The following SPOCK3 variants were observed in gnomAD, a reference collection of about 807,000 sequenced individuals.
SPOCK3 encodes SPARC (osteonectin), cwcv and kazal like domains proteoglycan 3.
SPOCK3 carries 30 observed loss-of-function variants against 56.6 expected under a neutral mutation model. That is an observed-to-expected ratio of 0.53 (90% CI 0.40 to 0.72). The LOEUF (loss-of-function observed/expected upper bound fraction) is 0.72. Ranked by LOEUF, SPOCK3 falls within the 30% of genes least tolerant of loss-of-function variation. The pLI is 0.00. For synonymous variants in SPOCK3, 196 were observed against 183.3 expected (o/e 1.07, Z -0.56); for missense variants, 527 against 530.0 (o/e 0.99, Z 0.06).
intron 7 of SPOCK3, among the ~76,000 whole-genome samples, chr4:166,775,085 G>A (rs1739376426): frequency 6.6e-6 from 1 of 152,132 alleles, no homozygotes; most frequent in African/African-American, 2.4e-5. Flanking sequence ...TATAAAGGAA[G>A]TGAAATTATG....
intron 1 of SPOCK3, 121 bp from the exon 2 acceptor site, chr4:167,234,294 C>G (rs917934404): frequency 2.2e-6 from 2 of 924,822 alleles, no homozygotes; most frequent in African/African-American, 3.3e-5. Context: ...GAGGAGGAGA[C>G]AAGCAGAGGC....
At chr4:166,888,633 C>G (rs535462327) in intron 6 of SPOCK3, among the ~76,000 whole-genome samples, 1 of 151,664 alleles carries the variant, frequency 6.6e-6, no homozygotes, top group Non-Finnish European at 1.5e-5. Context: ...AAGACTTCAT[C>G]TGGTCAAAAA....
At chr4:167,162,391 C>T (rs1054668368) in intron 2 of SPOCK3, among the ~76,000 whole-genome samples, 4 of 152,110 alleles carry the variant, frequency 2.6e-5, no homozygotes, top group Non-Finnish European at 5.9e-5. Context: ...TGAATTATCT[C>T]ATTTAACACT....
At chr4:167,098,556 T>G (rs187460784) in intron 2 of SPOCK3, among the ~76,000 whole-genome samples, 2 of 152,166 alleles carry the variant, frequency 1.3e-5, no homozygotes, top group Admixed American at 1.3e-4. Context: ...ATTCCATATT[T>G]ACAGAACTAA....
At chr4:167,166,368 AT>A (rs201483924) in intron 2 of SPOCK3, among the ~76,000 whole-genome samples, 325 of 151,354 alleles carry the variant, frequency 2.1e-3, no homozygotes, top group African/African-American at 7.1e-3. Context: ...GGCTACATAC[AT>A]TTTTTTTTCT....
At chr4:166,936,181 G>T (rs541911950) in intron 4 of SPOCK3, among the ~76,000 whole-genome samples, 82 of 152,176 alleles carry the variant, frequency 5.4e-4, no homozygotes, top group African/African-American at 1.9e-3. Flanking sequence ...ACGCAATACT[G>T]AGCTGTGATG....
rs139910791 is a variant in SPOCK3, at chr4:167,180,720, A to G, written c.189+53265T>C. Among the ~76,000 whole-genome samples, 67 of 152,290 alleles carry G rather than the reference A, an allele frequency of 4.4e-4. 1 individual carries two copies. The highest frequency in any genetic ancestry group is 1.4e-3 in the African/African-American group (60 of 41,576). ...CAGAAAAATAGCTAAGATTATGACT[A>G]TGAGTCCAATAATCCAGGTACTTAA... On this transcript the variant is annotated intron_variant, in intron 2 of 10. Coordinates refer to ENST00000357545, the MANE Select transcript of SPOCK3 (RefSeq NM_001040159.2).
chr4:166,961,973 T>C (rs945799308), intron 4 of SPOCK3, among the ~76,000 whole-genome samples: 1 of 152,070 alleles, frequency 6.6e-6, no homozygotes, highest in Non-Finnish European at 1.5e-5. Flanking sequence ...TAGGAAAGAA[T>C]TAGTCCTTGT....
At chr4:167,231,825 G>A (rs568602840) in intron 2 of SPOCK3, among the ~76,000 whole-genome samples, 25 of 152,116 alleles carry the variant, frequency 1.6e-4, no homozygotes, top group African/African-American at 5.5e-4. Context: ...AAAAATGATG[G>A]CATTTATCCG....
intron 4 of SPOCK3, among the ~76,000 whole-genome samples, chr4:166,920,258 C>T (rs1738342195): frequency 6.6e-6 from 1 of 152,140 alleles, no homozygotes; most frequent in South Asian, 2.1e-4. Flanking sequence ...GACAGCATCA[C>T]TACCTCAAAT....
At chr4:166,987,320 C>G (rs1747277160) in intron 4 of SPOCK3, among the ~76,000 whole-genome samples, 1 of 152,140 alleles carries the variant, frequency 6.6e-6, no homozygotes, top group Admixed American at 6.6e-5. Context: ...TCTTTTCACT[C>G]AAGTAATTCT....
chr4:166,948,119 G>A (rs755686212), intron 4 of SPOCK3, among the ~76,000 whole-genome samples: 4 of 152,062 alleles, frequency 2.6e-5, no homozygotes, highest in Non-Finnish European at 4.4e-5. Flanking sequence ...TGTGCTATTT[G>A]TCTTTCTGTG....
At chr4:167,132,745 G>A (rs1260194658) in intron 2 of SPOCK3, among the ~76,000 whole-genome samples, 2 of 151,886 alleles carry the variant, frequency 1.3e-5, no homozygotes, top group Non-Finnish European at 2.9e-5. Flanking sequence ...CGTAAACCCT[G>A]GCATTCCTTG....
chr4:166,775,181 A>G (rs1003585284), intron 7 of SPOCK3, among the ~76,000 whole-genome samples: 21 of 152,102 alleles, frequency 1.4e-4, no homozygotes, highest in African/African-American at 5.1e-4. Context: ...GATTAATGTC[A>G]CTGCAGAAAA....
At chr4:166,805,821 GCAGA>G (rs563354337) in intron 6 of SPOCK3, among the ~76,000 whole-genome samples, 136 of 152,162 alleles carry the variant, frequency 8.9e-4, no homozygotes, top group Non-Finnish European at 1.8e-3. Context: ...TCTGAAACAA[GCAGA>G]CAAATTTTCA....
At chr4:166,969,008 A>C (rs1209970731) in intron 4 of SPOCK3, among the ~76,000 whole-genome samples, 1 of 152,216 alleles carries the variant, frequency 6.6e-6, no homozygotes, top group African/African-American at 2.4e-5. Flanking sequence ...GATTATTTCA[A>C]GGCTTAAAGA....
At chr4:166,885,631 A>G (rs1288425652) in intron 6 of SPOCK3, among the ~76,000 whole-genome samples, 2 of 151,902 alleles carry the variant, frequency 1.3e-5, no homozygotes, top group African/African-American at 4.8e-5. Flanking sequence ...TTTTTAAAAT[A>G]GGTTATTTTC....
chr4:166,866,841 T>A (rs62354060), intron 6 of SPOCK3, among the ~76,000 whole-genome samples: 10,834 of 152,114 alleles, frequency 0.071, 517 homozygotes, highest in Non-Finnish European at 0.1. Context: ...CATGAATGCA[T>A]TATTACCTCA....
At chr4:166,787,864 C>A (rs1309806460) in intron 7 of SPOCK3, among the ~76,000 whole-genome samples, 1 of 152,006 alleles carries the variant, frequency 6.6e-6, no homozygotes, top group African/African-American at 2.4e-5. Flanking sequence ...AGCATTATAT[C>A]TACTAAGTGT....
Sources: gnomAD v4.1 joint callset for allele counts (sites outside exome capture counted in the v4.1 genomes callset) on GRCh38, gnomAD v4.1.1 for gene constraint, MANE v1.5 for transcripts, NCBI Gene and HGNC (gene_info 2026-07-23, HGNC 2026-07-21) for gene names.